KIF9: variants seen among roughly 807,000 people sequenced by gnomAD.
KIF9 encodes kinesin family member 9.
KIF9 carries 68 observed loss-of-function variants against 94.8 expected under a neutral mutation model. The ratio of observed to expected loss-of-function variants is 0.72; its 90% CI spans 0.59 to 0.88. The LOEUF (loss-of-function observed/expected upper bound fraction) is 0.88, where lower values mean the gene tolerates loss of function less well. Ranked by LOEUF, KIF9 falls within the 40% of genes least tolerant of loss-of-function variation. The probability of loss-of-function intolerance (pLI) is 0.00; values close to 1 mark genes in which losing one functional copy is unlikely to be tolerated. For missense variants in KIF9, 882 were observed against 982.5 expected, an observed-to-expected ratio of 0.90 and a Z score of 1.37; for synonymous variants, 343 against 362.1, an observed-to-expected ratio of 0.95 and a Z score of 0.60.
At position 47,276,273 on chromosome 3, in the gene KIF9, T is replaced by TG. The variant is rs58442550; in HGVS notation, c.94-784dup. On this transcript the variant is annotated intron_variant, in intron 2 of 20. Coordinates refer to ENST00000684063, the MANE Select transcript of KIF9 (RefSeq NM_182902.4). Reference sequence around the variant, plus strand: ...AAATTAAGATGAAGAAAGACAGACTTGGCCGGGCATGGTGGCTCACGCCTG... The same window carrying TG: ...AAATTAAGATGAAGAAAGACAGACTTGGGCCGGGCATGGTGGCTCACGCCTG... Among the ~76,000 whole-genome samples the TG allele has an allele frequency of 1.7e-3, 262 of 152,160 alleles. 2 individuals carry two copies. Among genetic ancestry groups the TG allele is most frequent in the African/African-American group, 6.0e-3 (251 of 41,518 alleles).
chr3:47,245,411 C>T lies in KIF9; in HGVS notation c.1380+10G>A. 1 of 1,609,680 alleles carries T rather than the reference C, an allele frequency of 6.2e-7. No homozygotes were observed. Among genetic ancestry groups the T allele is most frequent in the Non-Finnish European group, 8.5e-7 (1 of 1,175,968 alleles). On this transcript the variant is annotated intron_variant, in intron 14 of 20. Coordinates refer to ENST00000684063, the MANE Select transcript of KIF9 (RefSeq NM_182902.4). Reference sequence around the variant, plus strand: ...GGTGAGTGCTGTCGGCAAGTAGCAACTATGCTTACCTTCTGGATAGCAGAA... The same window carrying T: ...GGTGAGTGCTGTCGGCAAGTAGCAATTATGCTTACCTTCTGGATAGCAGAA...
intron 1 of KIF9, among the ~76,000 whole-genome samples, chr3:47,278,864 C>T (rs1702137862): frequency 6.6e-6 from 1 of 152,006 alleles, no homozygotes; most frequent in Non-Finnish European, 1.5e-5. Flanking sequence ...CCCAGCTACT[C>T]AGAAGGCTGA....
At chr3:47,239,512 T>C (rs775461885) in intron 17 of KIF9, 1 of 1,040,934 alleles carries the variant, frequency 9.6e-7, no homozygotes, top group Non-Finnish European at 1.2e-6. Context: ...CATGTCATAA[T>C]TGGTCTGTGA....
intron 10 of KIF9, chr3:47,250,477 A>C (rs575081591): frequency 2.8e-6 from 1 of 363,540 alleles, no homozygotes; most frequent in African/African-American, 2.1e-5. Flanking sequence ...CATAGTAAGC[A>C]CTCCATAGAT....
At chr3:47,239,680 T>TGGAGGA in intron 17 of KIF9, 1 of 1,154,768 alleles carries the variant, frequency 8.7e-7, no homozygotes, top group Non-Finnish European at 1.1e-6. Flanking sequence ...CTCTGCCTCC[T>TGGAGGA]GGGCTCAAGC....
At chr3:47,276,236 C>T (rs1256135998) in intron 2 of KIF9, among the ~76,000 whole-genome samples, 2 of 152,032 alleles carry the variant, frequency 1.3e-5, no homozygotes, top group Non-Finnish European at 2.9e-5. Context: ...CTATACCTGG[C>T]TACAGAGAGA....
At chr3:47,236,320 C>T (rs1458140947) in intron 18 of KIF9, 123 bp downstream of exon 18, 3 of 1,166,360 alleles carry the variant, frequency 2.6e-6, no homozygotes, top group Non-Finnish European at 3.7e-6. Flanking sequence ...ACATCTCAAG[C>T]CCCTGCCCAG....
chr3:47,239,467 C>T (rs1013826731), intron 17 of KIF9: 13 of 793,268 alleles, frequency 1.6e-5, no homozygotes, highest in Non-Finnish European at 2.0e-5. Flanking sequence ...TCTCCAGCTT[C>T]CCAGACCCGT....
chr3:47,235,707 T>G, intron 19 of KIF9, 90 bp from the exon 20 acceptor site: 7 of 1,050,542 alleles, frequency 6.7e-6, no homozygotes, highest in Non-Finnish European at 1.0e-5. Context: ...CTTGCTGGGT[T>G]TGTGCCACAC....
chr3:47,255,691 CT>C (rs1700528946), intron 10 of KIF9, among the ~76,000 whole-genome samples: 1 of 151,952 alleles, frequency 6.6e-6, no homozygotes, highest in African/African-American at 2.4e-5. Context: ...TGCCCTTTTT[CT>C]TTTCTTTCTT....
chr3:47,270,028 A>T (rs1181050286), intron 5 of KIF9, among the ~76,000 whole-genome samples: 1 of 151,796 alleles, frequency 6.6e-6, no homozygotes, highest in Non-Finnish European at 1.5e-5. Context: ...TCCGCCTCCC[A>T]AAGTGTTGGG....
At chr3:47,271,165 A>C in intron 5 of KIF9, 72 bp downstream of exon 5, 2 of 1,099,182 alleles carry the variant, frequency 1.8e-6, no homozygotes, top group South Asian at 2.9e-5. Context: ...AAGAAAAAGA[A>C]AAAGAAAAGC....
intron 17 of KIF9, chr3:47,239,657 G>A: frequency 9.3e-7 from 1 of 1,080,080 alleles, no homozygotes; most frequent in African/African-American, 1.6e-5. Context: ...GCGCAATCTT[G>A]CCTCACTACA....
chr3:47,282,116 C>G (rs1161580512), intron 1 of KIF9: 1 of 869,834 alleles, frequency 1.1e-6, no homozygotes, highest in Non-Finnish European at 1.4e-6. Context: ...CCATTCCGGT[C>G]CCTCTCTGGA....
chr3:47,274,520 T>C (rs941767774), intron 3 of KIF9, among the ~76,000 whole-genome samples: 3 of 152,246 alleles, frequency 2.0e-5, no homozygotes, highest in African/African-American at 7.2e-5. Context: ...TTGGGACTGG[T>C]GGCAGGTTTT....
chr3:47,232,489 T>C (rs1575910979), intron 20 of KIF9, among the ~76,000 whole-genome samples: 1 of 151,736 alleles, frequency 6.6e-6, no homozygotes, highest in Admixed American at 6.6e-5. Flanking sequence ...TTCACCATGT[T>C]GGCCAGGCTG....
intron 17 of KIF9, among the ~76,000 whole-genome samples, chr3:47,237,843 G>A (rs1227072277): frequency 1.3e-5 from 2 of 152,220 alleles, no homozygotes; most frequent in East Asian, 1.9e-4. Context: ...TGGGGAGTGG[G>A]AGTCACCCTC....
chr3:47,256,732 C>T (rs930921247), intron 10 of KIF9, among the ~76,000 whole-genome samples: 4 of 152,162 alleles, frequency 2.6e-5, no homozygotes, highest in Non-Finnish European at 5.9e-5. Context: ...ATTGAGAAGT[C>T]GGATGGTTGC....
Position 47,236,081 on chromosome 3 carries a change from C to T in KIF9, c.2170G>A (p.Gly724Ser), listed in dbSNP as rs532910408. The T allele has an allele frequency of 1.5e-4, 244 of 1,614,168 alleles. 4 individuals are homozygous for T. The South Asian group carries it at 2.4e-3, about 16-fold the overall frequency. ...GGGACCATGCCTGGCCGGATGCTGC[C>T]GCCTGGCTTCAGTGCCATCTGCATG... ...EDMQMALKPGGSIRPGMVPVN... is the reference protein window; with the variant it reads ...EDMQMALKPGSSIRPGMVPVN... The change falls in exon 19 of 21, where the codon GGC becomes AGC. Residue 724 changes from glycine to serine, a missense_variant. Gly to Ser is a moderately conservative substitution (Grantham distance 56). Coordinates refer to ENST00000684063, the MANE Select transcript of KIF9 (RefSeq NM_182902.4).
Sources: gnomAD v4.1 joint callset for allele counts (sites outside exome capture counted in the v4.1 genomes callset) on GRCh38, gnomAD v4.1.1 for gene constraint, MANE v1.5 for transcripts, NCBI Gene and HGNC (gene_info 2026-07-23, HGNC 2026-07-21) for gene names.